The following GALNT9 variants were observed in gnomAD, a reference collection of about 807,000 sequenced individuals.
GALNT9 encodes the protein GalNAc transferase 9.
Under a neutral mutation model 63.1 loss-of-function variants are expected in GALNT9, and 47 were observed. The ratio of observed to expected loss-of-function variants is 0.75; its 90% CI spans 0.59 to 0.95. GALNT9 has a LOEUF of 0.95. Among genes scored for constraint, GALNT9 ranks in the 40% least tolerant of loss-of-function variants. GALNT9 has a pLI of 0.00. For missense variants in GALNT9, 829 were observed against 874.8 expected (o/e 0.95, Z 0.66); for synonymous variants, 396 against 365.7 (o/e 1.08, Z -0.94).
chr12:132,299,536 C>T (rs559319398), intron 1 of GALNT9, among the ~76,000 whole-genome samples: 1 of 136,354 alleles, frequency 7.3e-6, no homozygotes, highest in East Asian at 2.5e-4. Flanking sequence ...ACATCTAACC[C>T]ATCCCTGAGA....
At chr12:132,256,501 C>G (rs1039759374) in intron 5 of GALNT9, among the ~76,000 whole-genome samples, 1 of 149,876 alleles carries the variant, frequency 6.7e-6, no homozygotes, top group Non-Finnish European at 1.5e-5. Context: ...TTTGCATGTA[C>G]GCATGTCTCA....
chr12:132,322,939 G>C (rs1018515109), intron 1 of GALNT9, among the ~76,000 whole-genome samples: 3 of 152,186 alleles, frequency 2.0e-5, no homozygotes, highest in Non-Finnish European at 2.9e-5. Context: ...CGTCCCGTAC[G>C]GGAAAGCCCA....
Position 132,248,075 on chromosome 12 carries a change from G to A in GALNT9, c.960-48C>T, listed in dbSNP as rs1555238256. On this transcript the variant is annotated intron_variant, in intron 5 of 10. Transcript: ENST00000328957. ...TGAGGACCTCGCCATGCAGGCCTGA[G>A]CCCTGCCTGCTGGGCCATGAGCCAG... The A allele has an allele frequency of 7.3e-6, 11 of 1,515,148 alleles. No individual in the cohort carries two copies. The East Asian group carries it at 1.2e-4, about 17-fold the overall frequency. The allele number at this position is 1,515,148 out of a possible 1,614,324, so 93.9% of individuals were successfully genotyped here.
chr12:132,240,957 C>A (rs1379197753), intron 6 of GALNT9, among the ~76,000 whole-genome samples: 2 of 143,410 alleles, frequency 1.4e-5, no homozygotes, highest in African/African-American at 2.7e-5. Context: ...CTTCCCGGGG[C>A]CCTCCCTATA....
chr12:132,245,388 G>A lies in GALNT9; in HGVS notation c.1077+2522C>T, dbSNP rs1006974504. Among the ~76,000 whole-genome samples, 15 of 152,134 alleles carry A rather than the reference G, an allele frequency of 9.9e-5. No homozygotes were observed. The highest frequency in any genetic ancestry group is 3.4e-4 in the African/African-American group (14 of 41,406). ...ACCCGGGAGGTGGAGGTTGCAGTGA[G>A]CAGAGATCGTGCCACTGCACTCCAG... On this transcript the variant is annotated intron_variant, in intron 6 of 10. Transcript: ENST00000328957. This position sits in a 1 kb window ranked among gnomAD's most constrained non-coding sequence, Gnocchi z 6.3.
chr12:132,309,978 G>A (rs1342190453), intron 1 of GALNT9, among the ~76,000 whole-genome samples: 4 of 152,364 alleles, frequency 2.6e-5, no homozygotes, highest in South Asian at 2.1e-4. Context: ...TGAGGGTGGC[G>A]CCCGACCAAC....
In GALNT9 at chr12:132,310,263, C is replaced by T. The variant is rs1236777925; in HGVS notation, c.238+18703G>A. Among the ~76,000 whole-genome samples, 6 of 152,212 alleles carry T rather than the reference C, an allele frequency of 3.9e-5. No individual in the cohort carries two copies. In the East Asian group the frequency reaches 5.8e-4, roughly 15 times the overall value. On this transcript the variant is annotated intron_variant, in intron 1 of 10. Coordinates refer to ENST00000328957, the MANE Select transcript of GALNT9 (RefSeq NM_001122636.2). The surrounding 1 kb of genome is among the most constrained non-coding windows in gnomAD (Gnocchi z 4.8). ...CCTCCAGGTCTCACCGGCCACACCGCGGTTCGGCATTTCAGTTGGGGTCGG... is the reference window on the plus strand; with the variant it reads ...CCTCCAGGTCTCACCGGCCACACCGTGGTTCGGCATTTCAGTTGGGGTCGG...
intron 5 of GALNT9, among the ~76,000 whole-genome samples, chr12:132,250,814 A>C (rs1246089134): frequency 6.6e-6 from 1 of 151,678 alleles, no homozygotes; most frequent in African/African-American, 2.4e-5. Context: ...ACAAAGGCTC[A>C]GCTCATGCCG....
rs544661700 is a variant in GALNT9, at chr12:132,300,429, G to A, written c.239-13999C>T. ...CTCACCCACTCCCACCACACCTAAC[G>A]CACCCCTGAGATAACCAAGCCACTG... On this transcript the variant is annotated intron_variant, in intron 1 of 10. Coordinates refer to ENST00000328957, the MANE Select transcript of GALNT9 (RefSeq NM_001122636.2). Among the ~76,000 whole-genome samples, 542 of 63,226 alleles carry A rather than the reference G, an allele frequency of 8.6e-3. 35 individuals carry two copies. Among genetic ancestry groups the A allele is most frequent in the African/African-American group, 0.036 (492 of 13,712 alleles). The allele number at this position is 63,226 out of a possible 152,430, so 41.5% of individuals were successfully genotyped here. A position where few individuals can be genotyped will look rare whatever the true frequency, so the allele number is the denominator to read the frequency against.
intron 5 of GALNT9, among the ~76,000 whole-genome samples, chr12:132,250,858 C>G (rs958178875): frequency 6.6e-6 from 1 of 152,188 alleles, no homozygotes; most frequent in Non-Finnish European, 1.5e-5. Context: ...GGGCACCGCC[C>G]GTGTGGGTGG....
rs1555242182 is a variant in GALNT9, at chr12:132,286,329, A to G, written c.340T>C (p.Tyr114His). The G allele has an allele frequency of 6.4e-7, 1 of 1,551,134 alleles. No individual in the cohort carries two copies. Among genetic ancestry groups the G allele is most frequent in the South Asian group, 1.2e-5 (1 of 84,058 alleles). Residue 114 changes from tyrosine (Y) to histidine (H), a missense_variant, in exon 2 of 11, where the codon TAT becomes CAT. Coordinates refer to ENST00000328957, the MANE Select transcript of GALNT9 (RefSeq NM_001122636.2). The surrounding 1 kb of genome is among the most constrained non-coding windows in gnomAD (Gnocchi z 7.4). ...TGAGCGTTGTAGCCGTACTCCTCAT[A>G]CTTGCCTTCCGCCTCCTGGCCGTCA... ...RDDGQEAEGK[Y>H]EEYGYNAQLS...
rs887093116 is a variant in GALNT9, at chr12:132,315,071, G to C, written c.238+13895C>G. On this transcript the variant is annotated intron_variant, in intron 1 of 10. Coordinates refer to ENST00000328957, the MANE Select transcript of GALNT9 (RefSeq NM_001122636.2). This position sits in a 1 kb window ranked among gnomAD's most constrained non-coding sequence, Gnocchi z 6.1. ...TTTACAGATGAGGAAGCTGAGGAGCGGGAGACTGGGCGGCCTGACGGAGGT... is the reference window on the plus strand; with the variant it reads ...TTTACAGATGAGGAAGCTGAGGAGCCGGAGACTGGGCGGCCTGACGGAGGT... Among the ~76,000 whole-genome samples, 2 of 152,220 alleles carry C rather than the reference G, an allele frequency of 1.3e-5. No individual in the cohort carries two copies. The highest frequency in any genetic ancestry group is 6.5e-5 in the Admixed American group (1 of 15,284).
At chr12:132,270,536 T>C (rs1007014982) in intron 2 of GALNT9, among the ~76,000 whole-genome samples, 2 of 152,252 alleles carry the variant, frequency 1.3e-5, no homozygotes, top group Admixed American at 1.3e-4. Flanking sequence ...ATAATGGTTC[T>C]GAGTCTACGA....
At chr12:132,307,663 C>T (rs539365581) in intron 1 of GALNT9, among the ~76,000 whole-genome samples, 1 of 99,360 alleles carries the variant, frequency 1.0e-5, no homozygotes, top group Non-Finnish European at 2.0e-5. Flanking sequence ...GAAACCTCAT[C>T]TCTACTAAAA....
chr12:132,251,925 G>A (rs1022010378), intron 5 of GALNT9, among the ~76,000 whole-genome samples: 2 of 152,040 alleles, frequency 1.3e-5, no homozygotes, highest in Admixed American at 6.6e-5. Context: ...CAGCAGCCCC[G>A]ATGAGAGCCA....
At chr12:132,203,468 G>T in intron 7 of GALNT9, 37 bp downstream of exon 7, 1 of 1,607,402 alleles carries the variant, frequency 6.2e-7, no homozygotes, top group South Asian at 1.1e-5. Context: ...CCCGACCCTG[G>T]GGCATGGCCC....
At chr12:132,240,937 G>A (rs2136900219) in intron 6 of GALNT9, among the ~76,000 whole-genome samples, 553 of 46,402 alleles carry the variant, frequency 0.012, 4 homozygotes, top group Middle Eastern at 0.12. Context: ...TTACACACAC[G>A]CCACACCCCC....
chr12:132,210,636 G>A (rs1004408832), intron 6 of GALNT9, among the ~76,000 whole-genome samples: 5 of 152,184 alleles, frequency 3.3e-5, no homozygotes, highest in Admixed American at 1.3e-4. Context: ...CCCGAGCCCC[G>A]TCCTCCTGGG....
chr12:132,240,551 G>A (rs1195818507), intron 6 of GALNT9: 5 of 447,636 alleles, frequency 1.1e-5, no homozygotes, highest in East Asian at 7.1e-5. Flanking sequence ...TGGCCCCAGG[G>A]CTCAGCTGTG....
Sources: gnomAD v4.1 joint callset for allele counts (sites outside exome capture counted in the v4.1 genomes callset) on GRCh38, gnomAD v4.1.1 for gene constraint, Gnocchi (gnomAD v3.1) non-coding constraint, MANE v1.5 for transcripts, NCBI Gene and HGNC (gene_info 2026-07-23, HGNC 2026-07-21) for gene names.